Variants in ZFYVE26 observed in about 807,000 individuals in gnomAD.
ZFYVE26 encodes zinc finger FYVE-type containing 26.
In ZFYVE26, 181 loss-of-function variants were observed where a neutral mutation model predicts 276.5. The observed-to-expected ratio is 0.65, with a 90% CI of 0.58 to 0.74. The LOEUF (loss-of-function observed/expected upper bound fraction) is 0.74. Among genes scored for constraint, ZFYVE26 ranks in the 30% least tolerant of loss-of-function variants. The pLI is 0.00. For synonymous variants in ZFYVE26, 1,129 were observed against 1,203.1 expected, an observed-to-expected ratio of 0.94 and a Z score of 1.27; for missense variants, 2,821 against 3,097.9, an observed-to-expected ratio of 0.91 and a Z score of 2.12.
At position 67,799,431 on chromosome 14, in the gene ZFYVE26, CG is replaced by C. The variant is rs1203014350; in HGVS notation, c.1640-810del. 3 of 1,612,350 alleles carry C rather than the reference CG, an allele frequency of 1.9e-6. No homozygotes were observed. In the African/African-American group the frequency reaches 4.0e-5, roughly 22 times the overall value. ...CAGGAAGAGGCCAAAGAAGCAGAAACGAGCAGAAAGGAGTTGGGGCTTGATG... is the reference window on the plus strand; with the variant it reads ...CAGGAAGAGGCCAAAGAAGCAGAAACAGCAGAAAGGAGTTGGGGCTTGATG... On this transcript the variant is annotated intron_variant, in intron 10 of 41. Coordinates refer to ENST00000347230, the MANE Select transcript of ZFYVE26 (RefSeq NM_015346.4).
chr14:67,781,391 T>G lies in ZFYVE26; in HGVS notation c.4511A>C (p.Gln1504Pro), dbSNP rs1326892392. ...LAYCISDTAV[Q>P]EGLKCELQRK... The stretch of plus-strand genomic sequence containing the variant: ...CTGTAGCTCACACTTTAGTCCTTCT[T>G]GGACAGCCGTGTCTGAAATGCAGTA... Residue 1504 changes from glutamine to proline, a missense_variant, in exon 22 of 42, where the codon CAA becomes CCA. By Grantham distance (76) the Gln-to-Pro change is moderately conservative. Coordinates refer to ENST00000347230, the MANE Select transcript of ZFYVE26 (RefSeq NM_015346.4). 5.0e-6 allele frequency: 8 copies of G among 1,614,180 alleles called. No individual in the cohort carries two copies. In the South Asian group the frequency reaches 8.8e-5, roughly 18 times the overall value.
At chr14:67,771,583 A>C (rs1221740694) in intron 28 of ZFYVE26, among the ~76,000 whole-genome samples, 2 of 152,254 alleles carry the variant, frequency 1.3e-5, no homozygotes, top group East Asian at 3.8e-4. Flanking sequence ...CAGCTCCATG[A>C]GCCTAAGAAT....
rs1009396250 is a variant in ZFYVE26 at position 67,781,625 on chromosome 14, C to T, written c.4373-96G>A. 3.6e-5 allele frequency: 42 copies of T among 1,157,058 alleles called. 1 individual carries two copies. The highest frequency in any genetic ancestry group is 1.8e-4 in the Admixed American group (10 of 54,206). The allele number at this position is 1,157,058 out of a possible 1,614,324, so 71.7% of individuals were successfully genotyped here. A position where few individuals can be genotyped will look rare whatever the true frequency, so the allele number is the denominator to read the frequency against. The stretch of plus-strand genomic sequence containing the variant: ...CTTGAGAAAGGGCTTTCTTCAATCT[C>T]GTAAAAGAGGAGCTTGGAGGATCCT... On this transcript the variant is annotated intron_variant, in intron 21 of 41. Transcript: ENST00000347230.
intron 13 of ZFYVE26, among the ~76,000 whole-genome samples, chr14:67,737,283 A>C (rs2038363866): frequency 6.6e-6 from 1 of 151,748 alleles, no homozygotes; most frequent in Non-Finnish European, 1.5e-5. Context: ...TGCTATAAAG[A>C]TCCTACCCAA....
intron 41 of ZFYVE26, 93 bp downstream of exon 41, chr14:67,750,959 G>T: frequency 1.4e-6 from 2 of 1,475,876 alleles, no homozygotes; most frequent in South Asian, 2.3e-5. Context: ...GGGTTGTATG[G>T]AACTATTGTG....
chr14:67,737,108 C>CT (rs2038361846), intron 13 of ZFYVE26, among the ~76,000 whole-genome samples: 1 of 59,198 alleles, frequency 1.7e-5, no homozygotes, highest in Non-Finnish European at 3.4e-5. Context: ...TTTTTTTTTT[C>CT]GGTAGAGACA....
At position 67,807,475 on chromosome 14, in the gene ZFYVE26, C is replaced by A. The variant is rs753619935; in HGVS notation, c.809G>T (p.Gly270Val). Reference protein sequence around the residue: ...LSCLLHKASRGLLSLYGHTYA... With the variant: ...LSCLLHKASRVLLSLYGHTYA... ...GGTATGGCCATACAGGGACAGCAGG[C>A]CCCGGCTGGCCTTGTGCAGCAGGCA... Residue 270 changes from glycine to valine, a missense_variant, in exon 5 of 42, where the codon GGC becomes GTC. Transcript: ENST00000347230. The A allele has an allele frequency of 2.5e-6, 4 of 1,614,106 alleles. No homozygotes were observed. The highest frequency in any genetic ancestry group is 1.7e-5 in the Admixed American group (1 of 60,010).
intron 19 of ZFYVE26, among the ~76,000 whole-genome samples, chr14:67,784,783 G>A (rs972173598): frequency 3.3e-4 from 49 of 149,870 alleles, no homozygotes; most frequent in African/African-American, 1.2e-3. Context: ...TTCCTCTGCT[G>A]GGTGCTCAAA....
rs1156496479 is a variant in ZFYVE26 at position 67,768,531 on chromosome 14, GA to G, written c.5638del (p.Ser1880GlnfsTer7). On this transcript the variant is annotated frameshift_variant, in exon 30 of 42. Coordinates refer to ENST00000347230, the MANE Select transcript of ZFYVE26 (RefSeq NM_015346.4). LOFTEE classifies it high-confidence loss of function. ...TTTGGCCTTACCTTCTGGTTTTTCT[GA>G]AGGCTCCTCTGGTACACTGAAAACA... ...YCNKDVPEEP[S>X]EKPEALDSSK... 6.2e-7 allele frequency: 1 copy of G among 1,614,040 alleles called. No homozygotes were observed. The highest frequency in any genetic ancestry group is 1.3e-5 in the African/African-American group (1 of 74,924).
chr14:67,806,757 G>A, intron 5 of ZFYVE26, 82 bp from the exon 6 acceptor site: 2 of 1,554,580 alleles, frequency 1.3e-6, no homozygotes, highest in Non-Finnish European at 1.8e-6. Context: ...ACCAAGTGAT[G>A]TGAGAGTTTG....
chr14:67,788,463 T>C (rs1243864023), intron 16 of ZFYVE26, among the ~76,000 whole-genome samples: 1 of 152,122 alleles, frequency 6.6e-6, no homozygotes, highest in East Asian at 1.9e-4. Context: ...ATACAACACC[T>C]TGCAACTGCT....
intron 40 of ZFYVE26, 86 bp downstream of exon 40, chr14:67,752,257 CA>C (rs1222238041): frequency 1.4e-6 from 2 of 1,471,628 alleles, no homozygotes; most frequent in African/African-American, 2.8e-5. Flanking sequence ...GAGTTTCAGG[CA>C]CATTATGGAA....
chr14:67,809,816 G>A (rs368385163), intron 3 of ZFYVE26, among the ~76,000 whole-genome samples: 10 of 127,372 alleles, frequency 7.9e-5, no homozygotes, highest in Non-Finnish European at 1.4e-4. Context: ...ATAGAGTCTC[G>A]CTCTGTTGCC....
intron 13 of ZFYVE26, among the ~76,000 whole-genome samples, chr14:67,733,265 A>G (rs2038309592): frequency 6.6e-6 from 1 of 152,200 alleles, no homozygotes; most frequent in Admixed American, 6.5e-5. Context: ...ATGCAAGTGC[A>G]TCTGTCCCCA....
chr14:67,777,292 C>T (rs897578151), intron 25 of ZFYVE26, among the ~76,000 whole-genome samples: 1 of 152,190 alleles, frequency 6.6e-6, no homozygotes, highest in African/African-American at 2.4e-5. Flanking sequence ...TTAAGAGGAC[C>T]AGGTAGAATT....
rs1397868776 is a variant in ZFYVE26 at position 67,816,184 on chromosome 14, T to C, written c.-83-138A>G. 1.1e-5 allele frequency: 6 copies of C among 540,148 alleles called. No homozygotes were observed. The East Asian group carries it at 1.5e-4, about 14-fold the overall frequency. 33.5% of individuals were successfully genotyped at this position (540,148 alleles called of 1,614,324 possible). A position where few individuals can be genotyped will look rare whatever the true frequency, so the allele number is the denominator to read the frequency against. ...CAGTTTAATTTCCCACGTTACTTTT[T>C]GAAAACACTTTCTTCAAGGGGTGGA... On this transcript the variant is annotated intron_variant, in intron 1 of 41. Transcript: ENST00000347230.
Position 67,762,834 on chromosome 14 carries a change from A to C in ZFYVE26, c.6012-15T>G. On this transcript the variant is annotated splice_polypyrimidine_tract_variant and intron_variant, in intron 32 of 41. Transcript: ENST00000347230. Reference sequence around the variant, plus strand: ...TGCTGATGTAGCTACAAGGAGGAAAAGGGCAAGGCCATGAGGCTCCCTAGT... The same window carrying C: ...TGCTGATGTAGCTACAAGGAGGAAACGGGCAAGGCCATGAGGCTCCCTAGT... 1 of 1,613,466 alleles carries C rather than the reference A, an allele frequency of 6.2e-7. No individual in the cohort carries two copies. The highest frequency in any genetic ancestry group is 8.5e-7 in the Non-Finnish European group (1 of 1,180,014).
chr14:67,744,447 T>C (rs4902515), downstream of ZFYVE26, among the ~76,000 whole-genome samples: 147,633 of 152,258 alleles, frequency 0.97, 71,707 homozygotes, highest in East Asian at 1. Context: ...ATGTGCAGAA[T>C]GTGCAGGTTT....
chr14:67,754,073 T>C lies in ZFYVE26; in HGVS notation c.7126A>G (p.Lys2376Glu). 6.2e-7 allele frequency: 1 copy of C among 1,614,256 alleles called. No individual in the cohort carries two copies. Among genetic ancestry groups the C allele is most frequent in the Non-Finnish European group, 8.5e-7 (1 of 1,180,038 alleles). The change falls in exon 38 of 42, where the codon AAG becomes GAG. Residue 2376 changes from lysine to glutamate, a missense_variant and splice_region_variant. By Grantham distance (56) the Lys-to-Glu change is moderately conservative (BLOSUM62 1). Coordinates refer to ENST00000347230, the MANE Select transcript of ZFYVE26 (RefSeq NM_015346.4). Reference protein sequence around the residue: ...NNHMKMDVACKVMLGGKNVED... With the variant: ...NNHMKMDVACEVMLGGKNVED... ...GAGGTCTGAAACGCTGCATGTACCT[T>C]GCAGGCAACATCCATTTTCATGTGG...
Sources: gnomAD v4.1 joint callset for allele counts (sites outside exome capture counted in the v4.1 genomes callset) on GRCh38, gnomAD v4.1.1 for gene constraint, MANE v1.5 for transcripts, NCBI Gene and HGNC (gene_info 2026-07-23, HGNC 2026-07-21) for gene names.